Variants in DSP observed in about 807,000 individuals in gnomAD.
The protein encoded by DSP is desmoplakin, also known as 250/210 kDa paraneoplastic pemphigus antigen.
DSP carries 114 observed loss-of-function variants against 290.6 expected under a neutral mutation model. That is an observed-to-expected ratio of 0.39 (90% CI 0.34 to 0.46). The LOEUF is 0.46. Among genes scored for constraint, DSP ranks in the 20% least tolerant of loss-of-function variants. The probability of loss-of-function intolerance (pLI) is 0.99; values close to 1 mark genes in which losing one functional copy is unlikely to be tolerated. For synonymous variants in DSP, 1,311 were observed against 1,316.4 expected, an observed-to-expected ratio of 1.00 and a Z score of 0.09; for missense variants, 3,230 against 3,495.8, an observed-to-expected ratio of 0.92 and a Z score of 1.92.
At position 7,583,424 on chromosome 6, in the gene DSP, T is replaced by C. The variant is rs1561702033; in HGVS notation, c.6162T>C (p.Ala2054=). The C allele has an allele frequency of 1.9e-6, 3 of 1,614,168 alleles. No individual in the cohort carries two copies. Among genetic ancestry groups the C allele is most frequent in the Non-Finnish European group, 2.5e-6 (3 of 1,180,032 alleles). ...TCATGCTTCTGGAGGCCCAGGCAGCTACAGGTGGTATAATTGATCCCCATC... is the reference window on the plus strand; with the variant it reads ...TCATGCTTCTGGAGGCCCAGGCAGCCACAGGTGGTATAATTGATCCCCATC... The part of the protein sequence containing the change: ...STVMLLEAQA[A]TGGIIDPHRN... Residue 2054 remains alanine (A), a synonymous_variant, in exon 24 of 24, where the codon GCT becomes GCC. Transcript: ENST00000379802. This position sits in a 1 kb window ranked among gnomAD's most constrained non-coding sequence, Gnocchi z 4.0.
chr6:7,558,336 C>T (rs538123977), intron 3 of DSP, 72 bp downstream of exon 3: 37 of 1,560,434 alleles, frequency 2.4e-5, no homozygotes, highest in Non-Finnish European at 3.2e-5. Context: ...ACACTCAATT[C>T]CATGACCCAG....
At position 7,580,969 on chromosome 6, in the gene DSP, G is replaced by C; in HGVS notation, c.4779G>C (p.Lys1593Asn). The change falls in exon 23 of 24, where the codon AAG (lysine) becomes AAC (asparagine). Residue 1593 changes from lysine (K) to asparagine (N), a missense_variant. Physicochemically the swap from Lys to Asn is moderately conservative, Grantham distance 94. Around this residue, in one of 5 missense-constraint regions of DSP, gnomAD observed 1,714 missense variants for 1,844.5 expected, o/e 0.93. Coordinates refer to ENST00000379802, the MANE Select transcript of DSP (RefSeq NM_004415.4). The surrounding 1 kb of genome is among the most constrained non-coding windows in gnomAD (Gnocchi z 4.2). ...TASEDSCKRK[K>N]LEEELEGMRR... ...CAGAAGACTCCTGCAAGAGGAAGAA[G>C]CTGGAGGAAGAGCTGGAAGGCATGA... 6.2e-7 allele frequency: 1 copy of C among 1,614,112 alleles called. No homozygotes were observed. Among genetic ancestry groups the C allele is most frequent in the South Asian group, 1.1e-5 (1 of 91,088 alleles).
intron 17 of DSP, 138 bp from the exon 18 acceptor site, chr6:7,575,156 CT>C: frequency 1.2e-6 from 1 of 822,348 alleles, no homozygotes; most frequent in East Asian, 2.6e-5. Context: ...ATATATTTCC[CT>C]GGATTGACTG....
In DSP at chr6:7,571,980, A is replaced by G. The variant is rs745665963; in HGVS notation, c.2042A>G (p.His681Arg). 2 of 1,614,220 alleles carry G rather than the reference A, an allele frequency of 1.2e-6. No homozygotes were observed. The highest frequency in any genetic ancestry group is 1.6e-4 in the Middle Eastern group (1 of 6,062). Reference protein sequence around the residue: ...ELQKIRRQIEHCEGRMTLKNL... With the variant: ...ELQKIRRQIERCEGRMTLKNL... The stretch of plus-strand genomic sequence containing the variant: ...CAGAAGATTCGCAGGCAGATAGAGC[A>G]CTGCGAGGGCAGGATGACTCTCAAA... The change falls in exon 15 of 24, where the codon CAC becomes CGC. Residue 681 changes from histidine (H) to arginine (R), a missense_variant. Transcript: ENST00000379802.
chr6:7,571,910 AACAGAGAAAATG>A lies in DSP; in HGVS notation c.1976_1987del (p.Arg659_Asp662del), dbSNP rs1554107128. 6.2e-7 allele frequency: 1 copy of A among 1,614,180 alleles called. No individual in the cohort carries two copies. The highest frequency in any genetic ancestry group is 8.5e-7 in the Non-Finnish European group (1 of 1,180,034). ...CAACCATAATAAAGTAATTGAAACCAACAGAGAAAATGACAAGCAAGAAACATGGATGCTGAT... is the reference window on the plus strand; with the variant it reads ...CAACCATAATAAAGTAATTGAAACCAACAAGCAAGAAACATGGATGCTGAT... On this transcript the variant is annotated inframe_deletion, in exon 15 of 24. Coordinates refer to ENST00000379802, the MANE Select transcript of DSP (RefSeq NM_004415.4).
At position 7,571,936 on chromosome 6, in the gene DSP, A is replaced by G. The variant is rs774924258; in HGVS notation, c.1998A>G (p.Thr666=). The change falls in exon 15 of 24, where the codon ACA becomes ACG. Residue 666 remains threonine (T), a synonymous_variant. Coordinates refer to ENST00000379802, the MANE Select transcript of DSP (RefSeq NM_004415.4). ...ACAGAGAAAATGACAAGCAAGAAACATGGATGCTGATGGAGCTGCAGAAGA... is the reference window on the plus strand; with the variant it reads ...ACAGAGAAAATGACAAGCAAGAAACGTGGATGCTGATGGAGCTGCAGAAGA... ...ETNRENDKQE[T]WMLMELQKIR... 2.5e-6 allele frequency: 4 copies of G among 1,614,088 alleles called. No homozygotes were observed. The highest frequency in any genetic ancestry group is 2.2e-5 in the South Asian group (2 of 91,092).
At position 7,579,875 on chromosome 6, in the gene DSP, G is replaced by C; in HGVS notation, c.3685G>C (p.Glu1229Gln). 6 of 1,614,152 alleles carry C rather than the reference G, an allele frequency of 3.7e-6. No individual in the cohort carries two copies. The highest frequency in any genetic ancestry group is 4.2e-6 in the Non-Finnish European group (5 of 1,180,038). The change falls in exon 23 of 24, where the codon GAG becomes CAG. Residue 1229 changes from glutamate to glutamine, a missense_variant. Physicochemically the swap from Glu to Gln is conservative, Grantham distance 29 (BLOSUM62 2). Around this residue, in one of 5 missense-constraint regions of DSP, gnomAD observed 1,714 missense variants for 1,844.5 expected, o/e 0.93. Coordinates refer to ENST00000379802, the MANE Select transcript of DSP (RefSeq NM_004415.4). This position sits in a 1 kb window ranked among gnomAD's most constrained non-coding sequence, Gnocchi z 4.1. ...TTIKEISMQK[E>Q]DDSKNLRNQL... ...CATCAAGGAGATATCCATGCAAAAA[G>C]AGGATGATTCCAAAAATCTTAGAAA... is the stretch of plus-strand genomic sequence containing the variant.
chr6:7,547,964 GACAAA>G (rs1758213359), intron 1 of DSP, among the ~76,000 whole-genome samples: 1 of 152,044 alleles, frequency 6.6e-6, no homozygotes, highest in East Asian at 1.9e-4. Flanking sequence ...CTGGGGCAAA[GACAAA>G]ACACAAAAAC....
Position 7,580,137 on chromosome 6 carries a change from C to G in DSP, c.3947C>G (p.Ala1316Gly). 3 of 1,614,048 alleles carry G rather than the reference C, an allele frequency of 1.9e-6. No individual in the cohort carries two copies. Among genetic ancestry groups the G allele is most frequent in the Non-Finnish European group, 2.5e-6 (3 of 1,180,002 alleles). ...NARHKQSLEE[A>G]AKTIQDKNKE... ...CGGCACAAGCAGTCCCTGGAGGAGG[C>G]TGCCAAGACCATTCAGGACAAAAAT... The change falls in exon 23 of 24, where the codon GCT becomes GGT. Residue 1316 changes from alanine (A) to glycine (G), a missense_variant. Ala to Gly is a moderately conservative substitution (Grantham distance 60). This residue lies in a region of DSP where 1,714 missense variants were observed against 1,844.5 expected (regional missense o/e 0.93). Coordinates refer to ENST00000379802, the MANE Select transcript of DSP (RefSeq NM_004415.4). This position sits in a 1 kb window ranked among gnomAD's most constrained non-coding sequence, Gnocchi z 4.2.
At chr6:7,544,182 T>C (rs749081228) in intron 1 of DSP, among the ~76,000 whole-genome samples, 11 of 152,198 alleles carry the variant, frequency 7.2e-5, no homozygotes, top group Non-Finnish European at 1.3e-4. Context: ...TGGAGGTTCC[T>C]CTCGAGCCTG....
In DSP at chr6:7,565,229, C is replaced by T; in HGVS notation, c.778-130C>T. ...CCATACCAGGTGGTCAGTGAATGCACAAGGTTAACATTTTTCCTATCCGTG... is the reference window on the plus strand; with the variant it reads ...CCATACCAGGTGGTCAGTGAATGCATAAGGTTAACATTTTTCCTATCCGTG... On this transcript the variant is annotated intron_variant, in intron 6 of 23. Coordinates refer to ENST00000379802, the MANE Select transcript of DSP (RefSeq NM_004415.4). The surrounding 1 kb of genome is among the most constrained non-coding windows in gnomAD (Gnocchi z 4.2). 2.4e-6 allele frequency: 3 copies of T among 1,230,722 alleles called. No individual in the cohort carries two copies. The highest frequency in any genetic ancestry group is 3.5e-6 in the Non-Finnish European group (3 of 863,400). 76.2% of individuals were successfully genotyped at this position (1,230,722 alleles called of 1,614,324 possible).
intron 1 of DSP, among the ~76,000 whole-genome samples, chr6:7,551,103 A>G (rs1758328576): frequency 6.6e-6 from 1 of 152,296 alleles, no homozygotes; most frequent in African/African-American, 2.4e-5. Flanking sequence ...TTTATTTACC[A>G]TGAACTTAAC....
chr6:7,562,802 TAG>T (rs1266798529), intron 5 of DSP, 22 bp downstream of exon 5: 1 of 1,613,662 alleles, frequency 6.2e-7, no homozygotes, highest in African/African-American at 1.3e-5. Flanking sequence ...TGTTTCATTT[TAG>T]AGTCTTCAAA....
intron 3 of DSP, among the ~76,000 whole-genome samples, chr6:7,558,900 GA>G (rs1374376928): frequency 3.3e-5 from 5 of 152,204 alleles, no homozygotes; most frequent in Middle Eastern, 3.4e-3. Context: ...AATGTAGTCT[GA>G]ATTTGTTCTA....
At chr6:7,569,436 T>A in intron 12 of DSP, 96 bp downstream of exon 12, 22 of 1,574,284 alleles carry the variant, frequency 1.4e-5, no homozygotes, top group Non-Finnish European at 1.9e-5. Context: ...AGACACACGA[T>A]GCCTTGCCAT....
At chr6:7,572,206 T>C (rs1737575818) in intron 15 of DSP, 138 bp downstream of exon 15, 1 of 810,042 alleles carries the variant, frequency 1.2e-6, no homozygotes, top group Non-Finnish European at 2.0e-6. Context: ...CAGGATTTCC[T>C]TATGTATTAT....
intron 4 of DSP, among the ~76,000 whole-genome samples, chr6:7,561,881 A>G (rs1376987220): frequency 6.6e-6 from 1 of 152,208 alleles, no homozygotes; most frequent in Admixed American, 6.5e-5. Flanking sequence ...TACTCATGCA[A>G]AAGAAGGGTG....
At chr6:7,551,853 C>T (rs1236077492) in intron 1 of DSP, among the ~76,000 whole-genome samples, 1 of 152,184 alleles carries the variant, frequency 6.6e-6, no homozygotes. Flanking sequence ...ATTCCCTATA[C>T]CTTAGTTGGC....
chr6:7,559,009 C>G (rs962501310), intron 3 of DSP, among the ~76,000 whole-genome samples: 1 of 152,040 alleles, frequency 6.6e-6, no homozygotes, highest in Non-Finnish European at 1.5e-5. Flanking sequence ...GTGACGCTTT[C>G]TATGCTGTTA....
Sources: allele counts gnomAD v4.1 joint callset (sites outside exome capture counted in the v4.1 genomes callset), GRCh38; gene constraint gnomAD v4.1.1; regional missense constraint gnomAD v4.1.1; non-coding constraint Gnocchi (gnomAD v3.1); transcripts MANE v1.5; gene names NCBI Gene and HGNC (gene_info 2026-07-23, HGNC 2026-07-21).